The following ARID2 variants were observed in gnomAD, a reference collection of about 807,000 sequenced individuals.
ARID2 encodes AT-rich interaction domain 2.
In ARID2, 32 loss-of-function variants were observed where a neutral mutation model predicts 184.6. The observed-to-expected ratio is 0.17, with a 90% CI of 0.13 to 0.23. ARID2 has a LOEUF of 0.23. Ranked by LOEUF, ARID2 falls within the 10% of genes least tolerant of loss-of-function variation. The probability of loss-of-function intolerance (pLI) is 1.00; values close to 1 mark genes in which losing one functional copy is unlikely to be tolerated. For missense variants in ARID2, 1,696 were observed against 2,197.6 expected, an observed-to-expected ratio of 0.77 and a Z score of 4.56; for synonymous variants, 836 against 772.6, an observed-to-expected ratio of 1.08 and a Z score of -1.36.
chr12:45,831,365 G>A (rs867104100), intron 6 of ARID2, among the ~76,000 whole-genome samples: 1 of 151,928 alleles, frequency 6.6e-6, no homozygotes, highest in East Asian at 1.9e-4. Context: ...TTTCCTCTAC[G>A]TGGGTTATTT....
At chr12:45,884,394 T>TCAAACAAA (rs535656807) in intron 16 of ARID2, among the ~76,000 whole-genome samples, 4 of 151,946 alleles carry the variant, frequency 2.6e-5, no homozygotes, top group African/African-American at 9.7e-5. Flanking sequence ...AGATTCTGTC[T>TCAAACAAA]CAAACAAACA....
At chr12:45,731,454 A>T in intron 3 of ARID2, 140 bp downstream of exon 3, 1 of 607,690 alleles carries the variant, frequency 1.6e-6, no homozygotes, top group African/African-American at 1.9e-5. Context: ...CACATTTAAT[A>T]TAAATAAAGT....
At chr12:45,901,293 C>G (rs925730195) in intron 20 of ARID2, among the ~76,000 whole-genome samples, 4 of 148,690 alleles carry the variant, frequency 2.7e-5, no homozygotes, top group African/African-American at 1.0e-4. Flanking sequence ...GCCTCATCCT[C>G]TGGAGTAGCT....
At chr12:45,878,130 C>A (rs1944041308) in intron 16 of ARID2, among the ~76,000 whole-genome samples, 2 of 152,062 alleles carry the variant, frequency 1.3e-5, no homozygotes, top group African/African-American at 4.8e-5. Context: ...GGTTTTTTCC[C>A]TCTTAATTCT....
chr12:45,871,364 C>T (rs1421585005), intron 16 of ARID2, among the ~76,000 whole-genome samples: 5 of 152,140 alleles, frequency 3.3e-5, no homozygotes. Context: ...GCGTCTATTG[C>T]TATGATCATA....
chr12:45,731,005 A>G (rs1043361251), intron 2 of ARID2, among the ~76,000 whole-genome samples: 1 of 146,916 alleles, frequency 6.8e-6, no homozygotes, highest in Non-Finnish European at 1.5e-5. Context: ...CCCCACCCCC[A>G]AACAAAACAA....
At position 45,742,078 on chromosome 12, in the gene ARID2, C is replaced by T. The variant is rs117005688; in HGVS notation, c.284+10764C>T. Among the ~76,000 whole-genome samples, 19 of 152,288 alleles carry T rather than the reference C, an allele frequency of 1.2e-4. No individual in the cohort carries two copies. In the East Asian group the frequency reaches 3.5e-3, roughly 28 times the overall value. On this transcript the variant is annotated intron_variant, in intron 3 of 20. Coordinates refer to ENST00000334344, the MANE Select transcript of ARID2 (RefSeq NM_152641.4). ...TCAGTTCTGCAGTACATATAGAATA[C>T]TTCCAGAAGTGTTATCCCACAACAA...
chr12:45,849,456 A>G (rs1442856918), intron 13 of ARID2, 124 bp from the exon 14 acceptor site: 2 of 627,226 alleles, frequency 3.2e-6, no homozygotes, highest in African/African-American at 3.7e-5. Flanking sequence ...GCAGAATATA[A>G]CTGTGAGTCA....
intron 6 of ARID2, among the ~76,000 whole-genome samples, chr12:45,834,752 T>TA (rs1360997267): frequency 1.3e-5 from 2 of 152,302 alleles, no homozygotes; most frequent in East Asian, 3.9e-4. Flanking sequence ...TGAAAAGAAA[T>TA]ACGTTGGCAG....
At chr12:45,826,548 A>G (rs1943005869) in intron 6 of ARID2, among the ~76,000 whole-genome samples, 1 of 151,878 alleles carries the variant, frequency 6.6e-6, no homozygotes, top group Non-Finnish European at 1.5e-5. Flanking sequence ...CCAAGTAGCT[A>G]AGATTACAGA....
intron 3 of ARID2, among the ~76,000 whole-genome samples, chr12:45,799,640 G>C (rs1942457573): frequency 6.6e-6 from 1 of 152,126 alleles, no homozygotes; most frequent in Non-Finnish European, 1.5e-5. Context: ...GGAGTCAAAA[G>C]ATACTACTGA....
rs1201138210 is a variant in ARID2 at position 45,788,075 on chromosome 12, G to GC, written c.285-23342dup. On this transcript the variant is annotated intron_variant, in intron 3 of 20. Coordinates refer to ENST00000334344, the MANE Select transcript of ARID2 (RefSeq NM_152641.4). ...GAATGGTTAAACCTAGCTAACAAAT[G>GC]CATTACCTCACATAGTTATCATTTT... 2.6e-5 allele frequency among the ~76,000 whole-genome samples: 4 copies of GC among 152,260 alleles called. No homozygotes were observed. The South Asian group carries it at 6.2e-4, about 24-fold the overall frequency.
At chr12:45,745,380 C>T (rs185901301) in intron 3 of ARID2, among the ~76,000 whole-genome samples, 1 of 152,024 alleles carries the variant, frequency 6.6e-6, no homozygotes, top group Non-Finnish European at 1.5e-5. Flanking sequence ...GGTAGGCCTG[C>T]GTGGGGATAA....
intron 10 of ARID2, 50 bp downstream of exon 10, chr12:45,837,757 T>G: frequency 6.4e-7 from 1 of 1,554,358 alleles, no homozygotes; most frequent in Non-Finnish European, 8.8e-7. Context: ...TAAAAGTGTT[T>G]AATATGGTAC....
chr12:45,807,011 C>T (rs1942614460), intron 3 of ARID2, among the ~76,000 whole-genome samples: 1 of 152,180 alleles, frequency 6.6e-6, no homozygotes, highest in Non-Finnish European at 1.5e-5. Context: ...TTCTGTAGCT[C>T]CTCAGGAGCT....
At chr12:45,900,395 A>G (rs1415043542) in intron 20 of ARID2, among the ~76,000 whole-genome samples, 1 of 152,094 alleles carries the variant, frequency 6.6e-6, no homozygotes, top group East Asian at 1.9e-4. Flanking sequence ...AAAAAGCATG[A>G]GTGCCATGCT....
At chr12:45,824,261 C>T (rs1441576508) in intron 6 of ARID2, among the ~76,000 whole-genome samples, 2 of 151,966 alleles carry the variant, frequency 1.3e-5, no homozygotes, top group South Asian at 2.1e-4. Context: ...AAATTTTTAT[C>T]AAGAAGAAAT....
chr12:45,801,332 AG>A (rs2138068520), intron 3 of ARID2, among the ~76,000 whole-genome samples: 2 of 112,030 alleles, frequency 1.8e-5, no homozygotes, highest in East Asian at 2.5e-4. Context: ...AAAAAAAAAA[AG>A]TAAAAAAAGA....
chr12:45,770,263 A>C (rs1326731402), intron 3 of ARID2, among the ~76,000 whole-genome samples: 2 of 152,132 alleles, frequency 1.3e-5, no homozygotes, highest in Non-Finnish European at 2.9e-5. Flanking sequence ...AAAAAAAAAA[A>C]CAAAAAACAA....
Sources: gnomAD v4.1 joint callset for allele counts (sites outside exome capture counted in the v4.1 genomes callset) on GRCh38, gnomAD v4.1.1 for gene constraint, MANE v1.5 for transcripts, NCBI Gene and HGNC (gene_info 2026-07-23, HGNC 2026-07-21) for gene names.